Variants in ZRANB3 observed in about 807,000 individuals in gnomAD.
ZRANB3 encodes the protein zinc finger RANBP2-type containing 3.
ZRANB3 carries 125 observed loss-of-function variants against 133.8 expected under a neutral mutation model. The observed-to-expected ratio is 0.93, with a 90% CI of 0.81 to 1.08. The LOEUF (loss-of-function observed/expected upper bound fraction) is 1.08. Ranked by LOEUF, ZRANB3 falls within the 50% of genes least tolerant of loss-of-function variation. ZRANB3 has a pLI of 0.00. For missense variants in ZRANB3, 1,229 were observed against 1,275.5 expected (o/e 0.96, Z 0.56); for synonymous variants, 387 against 432.7 (o/e 0.89, Z 1.31).
intron 12 of ZRANB3, among the ~76,000 whole-genome samples, chr2:135,234,283 G>A (rs1695184088): frequency 6.6e-6 from 1 of 152,168 alleles, no homozygotes; most frequent in African/African-American, 2.4e-5. Flanking sequence ...GGAACACTCA[G>A]ATTCATAAAG....
chr2:135,204,076 G>GC (rs1442669778), intron 19 of ZRANB3, among the ~76,000 whole-genome samples: 2 of 152,138 alleles, frequency 1.3e-5, no homozygotes. Flanking sequence ...TATGTATAAA[G>GC]CCTGTTTAAG....
intron 2 of ZRANB3, among the ~76,000 whole-genome samples, chr2:135,396,453 C>T (rs1687489025): frequency 2.0e-5 from 3 of 152,138 alleles, no homozygotes; most frequent in Admixed American, 6.6e-5. Context: ...AAATGTGGTA[C>T]ATATACACAA....
chr2:135,208,784 G>T (rs1693982432), intron 18 of ZRANB3, 84 bp downstream of exon 18: 1 of 1,227,564 alleles, frequency 8.1e-7, no homozygotes, highest in African/African-American at 1.5e-5. Flanking sequence ...TCATGCAAAG[G>T]TGAGATATTA....
At chr2:135,474,769 C>T (rs553232944) in intron 2 of ZRANB3, among the ~76,000 whole-genome samples, 8 of 152,174 alleles carry the variant, frequency 5.3e-5, no homozygotes, top group African/African-American at 1.9e-4. Context: ...GAAATATTTT[C>T]GAGAATACCT....
chr2:135,389,205 C>G (rs535701328), intron 3 of ZRANB3, among the ~76,000 whole-genome samples: 4 of 152,156 alleles, frequency 2.6e-5, no homozygotes, highest in Non-Finnish European at 4.4e-5. Context: ...CCAATTATAT[C>G]GCTAAAGTTC....
chr2:135,438,419 C>T lies in ZRANB3; in HGVS notation c.162-47599G>A, dbSNP rs577195440. 2.7e-5 allele frequency among the ~76,000 whole-genome samples: 4 copies of T among 150,918 alleles called. No individual in the cohort carries two copies. The East Asian group carries it at 5.9e-4, about 22-fold the overall frequency. Reference sequence around the variant, plus strand: ...ACTCAGAAGACTGAGGCAGGAGAATCGCTTGAACCCAGGAGGCAGAGGGTG... The same window carrying T: ...ACTCAGAAGACTGAGGCAGGAGAATTGCTTGAACCCAGGAGGCAGAGGGTG... On this transcript the variant is annotated intron_variant, in intron 2 of 20. Transcript: ENST00000264159.
intron 6 of ZRANB3, among the ~76,000 whole-genome samples, chr2:135,339,239 C>T (rs538471302): frequency 5.6e-4 from 85 of 152,066 alleles, no homozygotes; most frequent in Non-Finnish European, 1.0e-3. Flanking sequence ...TGGTAAAACC[C>T]GTCTCTACTA....
intron 6 of ZRANB3, among the ~76,000 whole-genome samples, chr2:135,331,799 T>A (rs1007751519): frequency 6.6e-6 from 1 of 152,140 alleles, no homozygotes; most frequent in Non-Finnish European, 1.5e-5. Context: ...TTTACCATTA[T>A]AGTAATGGTC....
intron 6 of ZRANB3, among the ~76,000 whole-genome samples, chr2:135,336,072 T>C (rs535537764): frequency 2.5e-4 from 38 of 152,216 alleles, no homozygotes; most frequent in Non-Finnish European, 4.3e-4. Flanking sequence ...AAATCATATT[T>C]GTATTTATAG....
At chr2:135,527,860 T>C (rs1397138838) in intron 1 of ZRANB3, among the ~76,000 whole-genome samples, 1 of 152,222 alleles carries the variant, frequency 6.6e-6, no homozygotes, top group Non-Finnish European at 1.5e-5. Flanking sequence ...GGTAATAGAA[T>C]TGCAGATGAC....
rs78170260 is a variant in ZRANB3 at position 135,325,203 on chromosome 2, A to G, written c.678-9673T>C. Among the ~76,000 whole-genome samples the G allele has an allele frequency of 7.1e-3, 1,083 of 152,326 alleles. 11 individuals carry two copies. Among genetic ancestry groups the G allele is most frequent in the African/African-American group, 0.024 (1,013 of 41,564 alleles). On this transcript the variant is annotated intron_variant, in intron 6 of 20. Coordinates refer to ENST00000264159, the MANE Select transcript of ZRANB3 (RefSeq NM_032143.4). ...CACAGAATAGCCAAAACAACCTTGAAAAAGAACAAAGTTGAAGGACTTAAA... is the reference window on the plus strand; with the variant it reads ...CACAGAATAGCCAAAACAACCTTGAGAAAGAACAAAGTTGAAGGACTTAAA...
intron 6 of ZRANB3, among the ~76,000 whole-genome samples, chr2:135,342,759 T>C (rs531256616): frequency 6.7e-6 from 1 of 149,650 alleles, no homozygotes; most frequent in South Asian, 2.1e-4. Flanking sequence ...TTTTAGTGTT[T>C]CATGTGGTAG....
chr2:135,404,716 C>T (rs911513910), intron 2 of ZRANB3, among the ~76,000 whole-genome samples: 1 of 152,162 alleles, frequency 6.6e-6, no homozygotes, highest in African/African-American at 2.4e-5. Context: ...GTGGGGGTTA[C>T]CCACAAAGGG....
At chr2:135,511,919 G>A (rs923859635) in intron 1 of ZRANB3, 4 of 761,598 alleles carry the variant, frequency 5.3e-6, no homozygotes, top group East Asian at 2.5e-5. Flanking sequence ...CCAACCAGCA[G>A]GGGACTAGCC....
At chr2:135,203,081 G>C in intron 19 of ZRANB3, 118 bp from the exon 20 acceptor site, 1 of 1,240,540 alleles carries the variant, frequency 8.1e-7, no homozygotes, top group Admixed American at 2.3e-5. Context: ...AAATACATCA[G>C]GAGAGCTTTT....
chr2:135,217,377 A>T (rs1694354045), intron 17 of ZRANB3, 88 bp downstream of exon 17: 1 of 1,246,618 alleles, frequency 8.0e-7, no homozygotes, highest in African/African-American at 1.5e-5. Flanking sequence ...GGATTTCATT[A>T]GTGGTTCCAA....
chr2:135,384,936 G>A (rs1049917763), intron 3 of ZRANB3, among the ~76,000 whole-genome samples: 1 of 152,152 alleles, frequency 6.6e-6, no homozygotes, highest in African/African-American at 2.4e-5. Context: ...GCTGGCACAA[G>A]ACACGGATGC....
chr2:135,230,961 A>G, intron 12 of ZRANB3, 34 bp from the exon 13 acceptor site: 1 of 1,508,122 alleles, frequency 6.6e-7, no homozygotes, highest in Non-Finnish European at 8.8e-7. Flanking sequence ...TCAAAGTAAG[A>G]AGCAATCTAA....
At chr2:135,479,843 C>T (rs138985526) in intron 2 of ZRANB3, among the ~76,000 whole-genome samples, 103 of 152,160 alleles carry the variant, frequency 6.8e-4, no homozygotes, top group African/African-American at 2.4e-3. Context: ...TACGGTTTCT[C>T]ATAAATTAGA....
Sources: allele counts gnomAD v4.1 joint callset (sites outside exome capture counted in the v4.1 genomes callset), GRCh38; gene constraint gnomAD v4.1.1; transcripts MANE v1.5; gene names NCBI Gene and HGNC (gene_info 2026-07-23, HGNC 2026-07-21).